The following ZMAT3 variants were observed in gnomAD, a reference collection of about 807,000 sequenced individuals.
The protein encoded by ZMAT3 is zinc finger matrin-type protein 3.
In ZMAT3, 17 loss-of-function variants were observed where a neutral mutation model predicts 32.3. The ratio of observed to expected loss-of-function variants is 0.53; its 90% CI spans 0.36 to 0.79. The LOEUF is 0.79. Ranked by LOEUF, ZMAT3 falls within the 30% of genes least tolerant of loss-of-function variation. The pLI is 0.00. For synonymous variants in ZMAT3, 120 were observed against 133.1 expected, an observed-to-expected ratio of 0.90 and a Z score of 0.68; for missense variants, 329 against 359.7, an observed-to-expected ratio of 0.91 and a Z score of 0.69.
At chr3:179,067,895 G>T in intron 1 of ZMAT3, 86 bp from the exon 2 acceptor site, 1 of 1,277,812 alleles carries the variant, frequency 7.8e-7, no homozygotes, top group Non-Finnish European at 1.1e-6. Flanking sequence ...AACATAATCT[G>T]ACCCTTTCTT....
intron 2 of ZMAT3, among the ~76,000 whole-genome samples, chr3:179,034,666 C>T (rs1371403471): frequency 1.3e-5 from 2 of 152,160 alleles, no homozygotes; most frequent in East Asian, 1.9e-4. Context: ...AGAGGCATAT[C>T]CAACTTAAAA....
chr3:179,049,298 T>C (rs1720414378), intron 2 of ZMAT3, among the ~76,000 whole-genome samples: 1 of 152,156 alleles, frequency 6.6e-6, no homozygotes, highest in Non-Finnish European at 1.5e-5. Context: ...AACAATAAAC[T>C]ATACGTTACA....
chr3:179,044,287 G>T (rs1177074760), intron 2 of ZMAT3, among the ~76,000 whole-genome samples: 1 of 152,152 alleles, frequency 6.6e-6, no homozygotes, highest in Non-Finnish European at 1.5e-5. Context: ...GTTTATTGCG[G>T]CACTATTCAC....
chr3:179,033,889 A>ATT (rs1719436241), intron 2 of ZMAT3, among the ~76,000 whole-genome samples: 1 of 152,222 alleles, frequency 6.6e-6, no homozygotes, highest in African/African-American at 2.4e-5. Context: ...CAAGGGCTAA[A>ATT]TAGCACAGCC....
intron 1 of ZMAT3, among the ~76,000 whole-genome samples, chr3:179,070,397 T>G (rs1350055277): frequency 3.3e-5 from 5 of 152,242 alleles, no homozygotes; most frequent in African/African-American, 1.2e-4. Flanking sequence ...TCACATTTGA[T>G]CTTTACAATT....
chr3:179,039,711 G>T (rs1335940314), intron 2 of ZMAT3, among the ~76,000 whole-genome samples: 1 of 152,180 alleles, frequency 6.6e-6, no homozygotes, highest in Admixed American at 6.5e-5. Flanking sequence ...ATGGAACAAA[G>T]CTGGACAAAG....
intron 1 of ZMAT3, among the ~76,000 whole-genome samples, chr3:179,068,924 T>G (rs1299340861): frequency 1.3e-5 from 2 of 152,208 alleles, no homozygotes; most frequent in Non-Finnish European, 2.9e-5. Context: ...GGGACGCAAT[T>G]AGCTAGTTAG....
intron 2 of ZMAT3, among the ~76,000 whole-genome samples, chr3:179,036,611 T>A (rs1220009863): frequency 1.3e-5 from 2 of 151,724 alleles, no homozygotes; most frequent in Non-Finnish European, 2.9e-5. Context: ...TTATGAAAAA[T>A]TTTTAAAGGT....
chr3:179,051,040 C>T (rs889768358), intron 2 of ZMAT3, among the ~76,000 whole-genome samples: 12 of 152,062 alleles, frequency 7.9e-5, no homozygotes, highest in African/African-American at 1.9e-4. Flanking sequence ...ATACTGAATG[C>T]GGAAAAGTTG....
intron 2 of ZMAT3, among the ~76,000 whole-genome samples, chr3:179,065,831 C>T (rs902164117): frequency 6.6e-6 from 1 of 151,990 alleles, no homozygotes; most frequent in Non-Finnish European, 1.5e-5. Flanking sequence ...GCTTGAACCC[C>T]GGAGACAGGG....
chr3:179,056,718 T>A (rs1463173930), intron 2 of ZMAT3, among the ~76,000 whole-genome samples: 1 of 152,194 alleles, frequency 6.6e-6, no homozygotes, highest in Non-Finnish European at 1.5e-5. Flanking sequence ...GCCTTCTCAG[T>A]CTTACTCTCC....
At position 179,067,812 on chromosome 3, in the gene ZMAT3, G is replaced by C; in HGVS notation, c.-57-3C>G. 6.4e-7 allele frequency: 1 copy of C among 1,563,966 alleles called. No homozygotes were observed. The highest frequency in any genetic ancestry group is 2.3e-5 in the East Asian group (1 of 44,266). On this transcript the variant is annotated splice_region_variant and splice_polypyrimidine_tract_variant and intron_variant, in intron 1 of 5. Coordinates refer to ENST00000311417, the MANE Select transcript of ZMAT3 (RefSeq NM_022470.4). ...GATGAGAAGCAAGGTCTTCAAATCT[G>C]AATCAACAGCAAAAAAACAGAAAAA...
chr3:179,057,655 A>C (rs901455022), intron 2 of ZMAT3, among the ~76,000 whole-genome samples: 27 of 152,256 alleles, frequency 1.8e-4, no homozygotes, highest in African/African-American at 6.0e-4. Flanking sequence ...CCAAAGGCTC[A>C]GCTCTGCTCA....
intron 2 of ZMAT3, among the ~76,000 whole-genome samples, chr3:179,063,693 G>T (rs1355160604): frequency 6.6e-6 from 1 of 152,104 alleles, no homozygotes; most frequent in African/African-American, 2.4e-5. Flanking sequence ...TGAAACAGTG[G>T]TATGTTACCC....
chr3:179,043,475 G>T (rs990297924), intron 2 of ZMAT3, among the ~76,000 whole-genome samples: 8 of 152,158 alleles, frequency 5.3e-5, no homozygotes, highest in African/African-American at 1.9e-4. Flanking sequence ...AATGGGGAAA[G>T]GATTCCCTAT....
At chr3:179,027,561 A>G (rs1242540676) in intron 4 of ZMAT3, 38 bp from the exon 5 acceptor site, 3 of 1,613,914 alleles carry the variant, frequency 1.9e-6, no homozygotes, top group African/African-American at 1.3e-5. Flanking sequence ...GAGTCTTCTA[A>G]ACAAGAATCC....
chr3:179,026,880 A>C (rs1718903434), intron 5 of ZMAT3, among the ~76,000 whole-genome samples: 1 of 152,236 alleles, frequency 6.6e-6, no homozygotes, highest in Non-Finnish European at 1.5e-5. Context: ...AAAATGCAGA[A>C]TTTATTCCTA....
At position 179,024,344 on chromosome 3, in the gene ZMAT3, C is replaced by T. The variant is rs1228410284; in HGVS notation, c.*673G>A. ...AGTTTCTAATAATGTATCCTACTGA[C>T]AATGCATTGAGGTGGCGGTTCTGGT... On this transcript the variant is annotated 3_prime_UTR_variant, in exon 6 of 6. Transcript: ENST00000311417. 1.3e-5 allele frequency: 2 copies of T among 152,310 alleles called. No homozygotes were observed. The highest frequency in any genetic ancestry group is 2.9e-5 in the Non-Finnish European group (2 of 68,120). The allele number at this position is 152,310 out of a possible 1,614,324, so 9.4% of individuals were successfully genotyped here.
chr3:179,027,880 G>T (rs1189579218), intron 3 of ZMAT3, 68 bp from the exon 4 acceptor site: 1 of 1,488,152 alleles, frequency 6.7e-7, no homozygotes, highest in Non-Finnish European at 9.0e-7. Flanking sequence ...CTCCTCAAAG[G>T]TCTTTCTAAG....
Sources: gnomAD v4.1 joint callset for allele counts (sites outside exome capture counted in the v4.1 genomes callset) on GRCh38, gnomAD v4.1.1 for gene constraint, MANE v1.5 for transcripts, NCBI Gene and HGNC (gene_info 2026-07-23, HGNC 2026-07-21) for gene names.